POLN: variants seen among roughly 807,000 people sequenced by gnomAD.
POLN encodes DNA polymerase N.
Under a neutral mutation model 113.5 loss-of-function variants are expected in POLN, and 108 were observed. That is an observed-to-expected ratio of 0.95 (90% CI 0.81 to 1.12). POLN has a LOEUF of 1.12. Ranked by LOEUF, POLN falls within the 50% of genes most tolerant of loss-of-function variation. The pLI, the probability that POLN is intolerant of heterozygous loss-of-function variation, is 0.00. For missense variants in POLN, 1,097 were observed against 1,077.1 expected (o/e 1.02, Z -0.26); for synonymous variants, 386 against 391.5 (o/e 0.99, Z 0.17).
chr4:2,184,911 CCTTTTGGTGAT>C (rs1264581051), intron 7 of POLN, among the ~76,000 whole-genome samples: 1 of 152,072 alleles, frequency 6.6e-6, no homozygotes, highest in Non-Finnish European at 1.5e-5. Context: ...TTTTTGATCA[CCTTTTGGTGAT>C]TCTATGAAAC....
At chr4:2,100,733 A>G (rs1730902668) in intron 19 of POLN, among the ~76,000 whole-genome samples, 1 of 152,238 alleles carries the variant, frequency 6.6e-6, no homozygotes, top group Admixed American at 6.5e-5. Flanking sequence ...CTGATGCAGG[A>G]GTAAAAATAG....
chr4:2,081,141 G>A, intron 22 of POLN, 105 bp from the exon 23 acceptor site: 2 of 1,602,422 alleles, frequency 1.2e-6, no homozygotes, highest in East Asian at 2.2e-5. Context: ...CCACACAGAG[G>A]TGCTGGCTCT....
In POLN at chr4:2,093,427, C is replaced by A. The variant is rs1469065050; in HGVS notation, c.2065+2424G>T. 6.6e-6 allele frequency among the ~76,000 whole-genome samples: 1 copy of A among 152,200 alleles called. No individual in the cohort carries two copies. The highest frequency in any genetic ancestry group is 1.5e-5 in the Non-Finnish European group (1 of 68,026). On this transcript the variant is annotated intron_variant, in intron 20 of 25. Transcript: ENST00000511885. The surrounding 1 kb of genome is among the most constrained non-coding windows in gnomAD (Gnocchi z 4.1). ...ACTGTGTGCCAGGTATGGCCCCATG[C>A]ACCCTATGAGAGCATTTTCCCAGGA... is the stretch of plus-strand genomic sequence containing the variant.
chr4:2,173,863 A>T (rs1732927838), intron 11 of POLN, 92 bp downstream of exon 11: 1 of 1,197,502 alleles, frequency 8.4e-7, no homozygotes, highest in South Asian at 1.2e-5. Flanking sequence ...GAAGAGAAGA[A>T]AAGGAGAATC....
At chr4:2,153,395 A>G (rs1416834851) in intron 16 of POLN, among the ~76,000 whole-genome samples, 3 of 152,164 alleles carry the variant, frequency 2.0e-5, no homozygotes, top group South Asian at 4.1e-4. Context: ...AGTGTCTACA[A>G]TAAAAACAAC....
At chr4:2,188,752 A>T (rs1198458944) in intron 7 of POLN, among the ~76,000 whole-genome samples, 1 of 135,204 alleles carries the variant, frequency 7.4e-6, no homozygotes, top group Non-Finnish European at 1.5e-5. Flanking sequence ...TATGCAATCC[A>T]CCATAACTCC....
rs35884361 is a variant in POLN, at chr4:2,208,100, T to C, written c.601A>G (p.Arg201Gly). 7.9e-5 allele frequency: 128 copies of C among 1,614,230 alleles called. No individual in the cohort carries two copies. In the Admixed American group the frequency reaches 2.1e-3, roughly 26 times the overall value. ...CTTTTTGCCCAATCATCCAAATGCC[T>C]AATATCACAAAAATGTTTTTTCAAT... ...GALKKHFCDI[R>G]HLDDWAKSQL... Residue 201 changes from arginine (R) to glycine (G), a missense_variant, in exon 5 of 26, where the codon AGG (arginine) becomes GGG (glycine). By Grantham distance (125) the Arg-to-Gly change is moderately radical (BLOSUM62 -2). Coordinates refer to ENST00000511885, the MANE Select transcript of POLN (RefSeq NM_181808.4).
chr4:2,090,129 A>G (rs1730631815), intron 20 of POLN: 2 of 1,022,224 alleles, frequency 2.0e-6, no homozygotes, highest in African/African-American at 1.6e-5. Flanking sequence ...CTAACTGAGG[A>G]TAAGAACTTT....
At chr4:2,147,643 CTTTTTTT>C (rs747184067) in intron 16 of POLN, among the ~76,000 whole-genome samples, 1 of 79,358 alleles carries the variant, frequency 1.3e-5, no homozygotes, top group African/African-American at 4.1e-5. Flanking sequence ...TTTTTCTTTT[CTTTTTTT>C]TTTTTTTTTG....
chr4:2,222,122 G>A (rs1003789555), intron 3 of POLN, among the ~76,000 whole-genome samples: 2 of 152,060 alleles, frequency 1.3e-5, no homozygotes, highest in African/African-American at 2.4e-5. Flanking sequence ...CATGGGTTTC[G>A]CCATGTTGCC....
intron 16 of POLN, among the ~76,000 whole-genome samples, chr4:2,149,033 T>C (rs1220532982): frequency 1.3e-5 from 2 of 152,066 alleles, no homozygotes; most frequent in Non-Finnish European, 2.9e-5. Flanking sequence ...TGGATGTGGG[T>C]ATGTAATCCC....
chr4:2,205,729 C>T (rs1029490513), intron 5 of POLN, among the ~76,000 whole-genome samples: 4 of 151,916 alleles, frequency 2.6e-5, no homozygotes, highest in East Asian at 1.9e-4. Flanking sequence ...AAAAATTAGC[C>T]GGGCGTGGTG....
chr4:2,238,956 C>T, intron 2 of POLN: 1 of 1,598,424 alleles, frequency 6.3e-7, no homozygotes, highest in Non-Finnish European at 8.5e-7. Flanking sequence ...AAACTTCTGT[C>T]TTTTATTTGA....
At position 2,193,178 on chromosome 4, in the gene POLN, T is replaced by C. The variant is rs746668075; in HGVS notation, c.1021+26A>G. 29 of 1,505,066 alleles carry C rather than the reference T, an allele frequency of 1.9e-5. No individual in the cohort carries two copies. In the East Asian group the frequency reaches 2.7e-4, roughly 14 times the overall value. 93.2% of individuals were successfully genotyped at this position (1,505,066 alleles called of 1,614,324 possible). On this transcript the variant is annotated intron_variant, in intron 7 of 25. Coordinates refer to ENST00000511885, the MANE Select transcript of POLN (RefSeq NM_181808.4). ...GAGTCACAGTTGAAGAGTTAAATTA[T>C]AGAGAGAATAAAAAATATAACTTAC... is the stretch of plus-strand genomic sequence containing the variant.
At chr4:2,191,332 G>C (rs1170718711) in intron 7 of POLN, among the ~76,000 whole-genome samples, 3 of 152,176 alleles carry the variant, frequency 2.0e-5, no homozygotes, top group Admixed American at 6.5e-5. Context: ...AGGTCAGGAA[G>C]GGTAAGGGGG....
intron 16 of POLN, among the ~76,000 whole-genome samples, chr4:2,142,672 C>T (rs1417132152): frequency 6.6e-6 from 1 of 152,076 alleles, no homozygotes; most frequent in Admixed American, 6.5e-5. Flanking sequence ...AAAACAACAA[C>T]AAAACAAAAC....
At chr4:2,074,484 C>A (rs1163813677) in intron 24 of POLN, among the ~76,000 whole-genome samples, 1 of 152,220 alleles carries the variant, frequency 6.6e-6, no homozygotes, top group African/African-American at 2.4e-5. Flanking sequence ...TAACCTACAG[C>A]TGAGCACACG....
chr4:2,085,719 A>G lies in POLN; in HGVS notation c.2091T>C (p.Leu697=). Residue 697 remains leucine (L), a synonymous_variant, in exon 21 of 26, where the codon CTT becomes CTC. Coordinates refer to ENST00000511885, the MANE Select transcript of POLN (RefSeq NM_181808.4). The stretch of plus-strand genomic sequence containing the variant: ...GGGCAGCTTCCTGAATAGGAACTCC[A>G]AGGCAAGCAGCCAGCCGCTCCTTCC... The part of the protein sequence containing the change: ...GAGKERLAAC[L]GVPIQEAAQF... The G allele has an allele frequency of 4.3e-6, 7 of 1,613,978 alleles. No individual in the cohort carries two copies. Among genetic ancestry groups the G allele is most frequent in the Non-Finnish European group, 5.9e-6 (7 of 1,180,030 alleles).
At chr4:2,115,962 C>G (rs1410191332) in intron 19 of POLN, among the ~76,000 whole-genome samples, 3 of 152,206 alleles carry the variant, frequency 2.0e-5, no homozygotes, top group Non-Finnish European at 2.9e-5. Context: ...GTGTTTCAGA[C>G]CAGCTGCCAG....
Sources: allele counts gnomAD v4.1 joint callset (sites outside exome capture counted in the v4.1 genomes callset), GRCh38; gene constraint gnomAD v4.1.1; non-coding constraint Gnocchi (gnomAD v3.1); transcripts MANE v1.5; gene names NCBI Gene and HGNC (gene_info 2026-07-23, HGNC 2026-07-21).